The following CPED1 variants were observed in gnomAD, a reference collection of about 807,000 sequenced individuals.
The protein encoded by CPED1 is cadherin like and PC-esterase domain containing 1, also known as cadherin-like and PC-esterase domain-containing protein 1.
A neutral mutation model predicts 128.2 loss-of-function variants in CPED1; 114 were observed. The ratio of observed to expected loss-of-function variants is 0.89; its 90% CI spans 0.76 to 1.04. CPED1 has a LOEUF of 1.04. Ranked by LOEUF, CPED1 falls within the 50% of genes least tolerant of loss-of-function variation. The pLI, the probability that CPED1 is intolerant of heterozygous loss-of-function variation, is 0.00. For synonymous variants in CPED1, 462 were observed against 426.7 expected, an observed-to-expected ratio of 1.08 and a Z score of -1.02; for missense variants, 1,211 against 1,207.1, an observed-to-expected ratio of 1.00 and a Z score of -0.05.
In CPED1 at chr7:121,295,772, C is replaced by G; in HGVS notation, c.*120C>G. On this transcript the variant is annotated 3_prime_UTR_variant, in exon 23 of 23. Coordinates refer to ENST00000310396, the MANE Select transcript of CPED1 (RefSeq NM_024913.5). ...GATCGACCACACACACTTGTGCACA[C>G]CAGCACATGCATGCACACCAGTACA... 1.4e-6 allele frequency: 1 copy of G among 717,322 alleles called. No homozygotes were observed. Among genetic ancestry groups the G allele is most frequent in the Admixed American group, 2.3e-5 (1 of 42,806 alleles). The allele number at this position is 717,322 out of a possible 1,614,324, so 44.4% of individuals were successfully genotyped here.
Position 121,266,360 on chromosome 7 carries a change from T to C in CPED1, c.2444T>C (p.Leu815Ser), listed in dbSNP as rs1792122373. 1 of 1,613,136 alleles carries C rather than the reference T, an allele frequency of 6.2e-7. No homozygotes were observed. The highest frequency in any genetic ancestry group is 1.1e-5 in the South Asian group (1 of 91,074). Reference sequence around the variant, plus strand: ...CACAACGTCAATGGTGGGAAGACTTTGATCAGTTATTCCTACTATCCCCAG... The same window carrying C: ...CACAACGTCAATGGTGGGAAGACTTCGATCAGTTATTCCTACTATCCCCAG... Reference protein sequence around the residue: ...FYHNVNGGKTLISYSYYPQFW... With the variant: ...FYHNVNGGKTSISYSYYPQFW... The change falls in exon 19 of 23, where the codon TTG becomes TCG. Residue 815 changes from leucine to serine, a missense_variant. By Grantham distance (145) the Leu-to-Ser change is moderately radical (BLOSUM62 -2). Coordinates refer to ENST00000310396, the MANE Select transcript of CPED1 (RefSeq NM_024913.5).
intron 16 of CPED1, among the ~76,000 whole-genome samples, chr7:121,158,087 T>G (rs958612765): frequency 2.0e-5 from 3 of 152,168 alleles, no homozygotes; most frequent in African/African-American, 7.2e-5. Flanking sequence ...TCTCCAAGGA[T>G]GAGACCTACA....
At chr7:121,104,729 A>G (rs1794930695) in intron 7 of CPED1, among the ~76,000 whole-genome samples, 1 of 152,172 alleles carries the variant, frequency 6.6e-6, no homozygotes, top group Non-Finnish European at 1.5e-5. Context: ...GATTCCTTGC[A>G]TATAATCAGC....
At chr7:121,274,822 C>T (rs1348542024) in intron 22 of CPED1, among the ~76,000 whole-genome samples, 1 of 152,050 alleles carries the variant, frequency 6.6e-6, no homozygotes, top group African/African-American at 2.4e-5. Flanking sequence ...AAATCTAAAA[C>T]TCTTTATAGA....
In CPED1 at chr7:121,164,904, C is replaced by T. The variant is rs186211338; in HGVS notation, c.2055+22763C>T. 1.3e-3 allele frequency among the ~76,000 whole-genome samples: 198 copies of T among 152,244 alleles called. 1 individual carries two copies. The Middle Eastern group carries it at 0.021, about 16-fold the overall frequency. ...ACTTCCCAAAACTTGACTTCTAGTC[C>T]TATATTGTTCACTCTGTATTCTTTA... On this transcript the variant is annotated intron_variant, in intron 16 of 22. Coordinates refer to ENST00000310396, the MANE Select transcript of CPED1 (RefSeq NM_024913.5).
At chr7:121,002,740 A>G (rs1791894210) in intron 2 of CPED1, among the ~76,000 whole-genome samples, 1 of 152,134 alleles carries the variant, frequency 6.6e-6, no homozygotes, top group Admixed American at 6.6e-5. Context: ...GAGCAGATAA[A>G]CTGTATTTGC....
chr7:121,120,966 T>TAAAAAAAAAA (rs539242359), intron 7 of CPED1, among the ~76,000 whole-genome samples: 5 of 91,662 alleles, frequency 5.5e-5, no homozygotes, highest in African/African-American at 7.5e-5. Flanking sequence ...GTTCCTGACC[T>TAAAAAAAAAA]AAAAAAAAAA....
At chr7:121,064,186 C>G (rs1793763536) in intron 4 of CPED1, 52 bp from the exon 5 acceptor site, 1 of 1,278,582 alleles carries the variant, frequency 7.8e-7, no homozygotes, top group South Asian at 1.2e-5. Flanking sequence ...CTTGGTTTTG[C>G]TTTAGCGTTG....
intron 2 of CPED1, among the ~76,000 whole-genome samples, chr7:121,003,035 A>AATATGTC (rs1485602981): frequency 1.4e-4 from 21 of 152,306 alleles, no homozygotes; most frequent in African/African-American, 5.1e-4. Context: ...CCTGGCACAT[A>AATATGTC]ATATGTCGAA....
At chr7:121,212,711 A>G (rs1350371664) in intron 16 of CPED1, among the ~76,000 whole-genome samples, 2 of 151,956 alleles carry the variant, frequency 1.3e-5, no homozygotes, top group African/African-American at 4.8e-5. Flanking sequence ...AAAAATGAAT[A>G]GATGTCATAA....
chr7:121,223,553 C>A (rs1387626909), intron 16 of CPED1, among the ~76,000 whole-genome samples: 8 of 151,964 alleles, frequency 5.3e-5, no homozygotes, highest in Non-Finnish European at 1.0e-4. Flanking sequence ...CTCTTTTTAC[C>A]CCTGTTAGAA....
intron 7 of CPED1, among the ~76,000 whole-genome samples, chr7:121,117,650 C>T (rs1009277197): frequency 4.6e-5 from 7 of 152,064 alleles, no homozygotes; most frequent in Non-Finnish European, 1.0e-4. Flanking sequence ...ATATCCAGAG[C>T]TGGGTGTCAT....
chr7:121,180,547 C>G (rs1486937746), intron 16 of CPED1, among the ~76,000 whole-genome samples: 1 of 151,950 alleles, frequency 6.6e-6, no homozygotes, highest in East Asian at 1.9e-4. Flanking sequence ...GATACATTAT[C>G]TGTACACTCT....
chr7:121,188,843 G>C (rs1278690606), intron 16 of CPED1, among the ~76,000 whole-genome samples: 1 of 152,120 alleles, frequency 6.6e-6, no homozygotes, highest in Non-Finnish European at 1.5e-5. Context: ...ACGCCATTAT[G>C]TCATTGGCAA....
At chr7:121,093,557 A>G (rs572731949) in intron 5 of CPED1, among the ~76,000 whole-genome samples, 1 of 152,244 alleles carries the variant, frequency 6.6e-6, no homozygotes, top group East Asian at 1.9e-4. Flanking sequence ...CTCTACACCC[A>G]TCTCCAGGGA....
rs926847827 is a variant in CPED1, at chr7:121,140,857, T to C, written c.1730T>C (p.Ile577Thr). Residue 577 changes from isoleucine (I) to threonine (T), a missense_variant, in exon 15 of 23, where the codon ATC becomes ACC. Coordinates refer to ENST00000310396, the MANE Select transcript of CPED1 (RefSeq NM_024913.5). Reference protein sequence around the residue: ...DENTPCHIKQIFTHPHLELNP... With the variant: ...DENTPCHIKQTFTHPHLELNP... ...AACACACCATGTCATATCAAGCAGA[T>C]CTTCACACATCCACATTTGGAACTA... 1 of 1,612,432 alleles carries C rather than the reference T, an allele frequency of 6.2e-7. No homozygotes were observed. The highest frequency in any genetic ancestry group is 2.2e-5 in the East Asian group (1 of 44,830).
intron 16 of CPED1, among the ~76,000 whole-genome samples, chr7:121,162,915 C>T (rs1270302296): frequency 1.3e-5 from 2 of 152,200 alleles, no homozygotes; most frequent in African/African-American, 4.8e-5. Flanking sequence ...TTGATTTAAG[C>T]CAATGAAGTC....
At chr7:121,221,111 C>G (rs1390249469) in intron 16 of CPED1, among the ~76,000 whole-genome samples, 1 of 152,024 alleles carries the variant, frequency 6.6e-6, no homozygotes, top group African/African-American at 2.4e-5. Context: ...TGCTATCTGT[C>G]CCCAAGTCCC....
At chr7:121,241,347 C>CAAAAAAAAAAAAAAAAAAAAA in intron 17 of CPED1, among the ~76,000 whole-genome samples, 1 of 5,554 alleles carries the variant, frequency 1.8e-4, no homozygotes, top group Non-Finnish European at 5.7e-4. Flanking sequence ...GACTCCGTCT[C>CAAAAAAAAAAAAAAAAAAAAA]AAAAAAAAAA....
Sources: allele counts gnomAD v4.1 joint callset (sites outside exome capture counted in the v4.1 genomes callset), GRCh38; gene constraint gnomAD v4.1.1; transcripts MANE v1.5; gene names NCBI Gene and HGNC (gene_info 2026-07-23, HGNC 2026-07-21).